Variants in MRPL14 observed in about 807,000 individuals in gnomAD.
MRPL14 encodes large ribosomal subunit protein uL14m.
In MRPL14, 8 loss-of-function variants were observed where a neutral mutation model predicts 10.9. The ratio of observed to expected loss-of-function variants is 0.74; its 90% CI spans 0.43 to 1.33. The LOEUF (loss-of-function observed/expected upper bound fraction) is 1.33. Among genes scored for constraint, MRPL14 ranks in the 40% most tolerant of loss-of-function variants. The pLI is 0.01. For missense variants in MRPL14, 179 were observed against 194.5 expected (o/e 0.92, Z 0.47); for synonymous variants, 82 against 74.1 (o/e 1.11, Z -0.54).
At chr6:44,114,270 C>T in intron 2 of MRPL14, 61 bp from the exon 3 acceptor site, 2 of 1,539,920 alleles carry the variant, frequency 1.3e-6, no homozygotes, top group Non-Finnish European at 1.7e-6. Context: ...GTGCACAGGC[C>T]TCTGAGAGGT....
Position 44,116,593 on chromosome 6 carries a change from G to T in MRPL14, c.19C>A (p.Leu7Ile). 6.2e-7 allele frequency: 1 copy of T among 1,614,180 alleles called. No homozygotes were observed. The highest frequency in any genetic ancestry group is 1.1e-5 in the South Asian group (1 of 91,088). ...CTTACACAGGTGAAGGGGCCCCAGA[G>T]CCCAGTAAAGAAAGCCATGGGATCC... is the stretch of plus-strand genomic sequence containing the variant. MAFFTG[L>I]WGPFTCVSRV... is the part of the protein sequence containing the mutation. The change falls in exon 2 of 3, where the codon CTC (leucine) becomes ATC (isoleucine). Residue 7 changes from leucine (L) to isoleucine (I), a missense_variant. By Grantham distance (5) the Leu-to-Ile change is conservative (BLOSUM62 2). Transcript: ENST00000372014.
chr6:44,125,670 A>G (rs1776929135), intron 1 of MRPL14, among the ~76,000 whole-genome samples: 1 of 151,136 alleles, frequency 6.6e-6, no homozygotes. Flanking sequence ...AAAAAAAAAA[A>G]AAAAAAAAAA....
Position 44,116,429 on chromosome 6 carries a change from C to T in MRPL14, c.71+112G>A, listed in dbSNP as rs1046102962. ...GCCTGATCACTTTAGCTTTCCCCAA[C>T]CCCATGCCCACCTCCCTGAGTTTTT... On this transcript the variant is annotated intron_variant, in intron 2 of 2. Coordinates refer to ENST00000372014, the MANE Select transcript of MRPL14 (RefSeq NM_032111.4). The T allele has an allele frequency of 7.3e-6, 8 of 1,090,000 alleles. No homozygotes were observed. In the Admixed American group the frequency reaches 1.1e-4, roughly 15 times the overall value. 67.5% of individuals were successfully genotyped at this position (1,090,000 alleles called of 1,614,324 possible). A position where few individuals can be genotyped will look rare whatever the true frequency, so the allele number is the denominator to read the frequency against.
Position 44,127,446 on chromosome 6 carries a change from G to A in MRPL14, c.-121C>T, listed in dbSNP as rs1326123901. 6.6e-6 allele frequency: 1 copy of A among 151,678 alleles called. No individual in the cohort carries two copies. Among genetic ancestry groups the A allele is most frequent in the Non-Finnish European group, 1.5e-5 (1 of 67,928 alleles). 9.4% of individuals were successfully genotyped at this position (151,678 alleles called of 1,614,324 possible). ...AGCGCCTGCGCGCCAGGCCCAGCCC[G>A]GCGGACGCGATCTGAGAGTGCGCGC... On this transcript the variant is annotated 5_prime_UTR_variant, in exon 1 of 3. Transcript: ENST00000372014.
At chr6:44,122,180 T>A (rs1216267089) in intron 1 of MRPL14, among the ~76,000 whole-genome samples, 1 of 151,696 alleles carries the variant, frequency 6.6e-6, no homozygotes, top group Non-Finnish European at 1.5e-5. Flanking sequence ...CCTCCCGGGT[T>A]CACACCATTC....
rs1229232869 is a variant in MRPL14, at chr6:44,116,411, C to T, written c.71+130G>A. On this transcript the variant is annotated intron_variant, in intron 2 of 2. Coordinates refer to ENST00000372014, the MANE Select transcript of MRPL14 (RefSeq NM_032111.4). ...ACCAACCAGGCCAGCTCAGCCTGATCACTTTAGCTTTCCCCAACCCCATGC... is the reference window on the plus strand; with the variant it reads ...ACCAACCAGGCCAGCTCAGCCTGATTACTTTAGCTTTCCCCAACCCCATGC... The T allele has an allele frequency of 2.2e-5, 19 of 869,382 alleles. No homozygotes were observed. The East Asian group carries it at 4.4e-4, about 20-fold the overall frequency. The allele number at this position is 869,382 out of a possible 1,614,324, so 53.9% of individuals were successfully genotyped here. A position where few individuals can be genotyped will look rare whatever the true frequency, so the allele number is the denominator to read the frequency against.
At chr6:44,116,656 A>C in intron 1 of MRPL14, 27 bp from the exon 2 acceptor site, 1 of 1,575,390 alleles carries the variant, frequency 6.3e-7, no homozygotes, top group Non-Finnish European at 8.7e-7. Context: ...AGGGGGAAAA[A>C]TTGGTTTCTA....
intron 1 of MRPL14, among the ~76,000 whole-genome samples, chr6:44,124,296 A>C (rs1390222785): frequency 2.6e-5 from 4 of 152,144 alleles, no homozygotes; most frequent in Non-Finnish European, 4.4e-5. Context: ...GTGGCCCTGG[A>C]ATCACCTGTC....
intron 1 of MRPL14, among the ~76,000 whole-genome samples, chr6:44,126,535 AATT>A (rs745723762): frequency 4.9e-4 from 75 of 152,330 alleles, no homozygotes; most frequent in Non-Finnish European, 9.1e-4. Flanking sequence ...CCTGAGAGTT[AATT>A]ATCTCCCAAA....
chr6:44,124,435 C>A (rs1204100302), intron 1 of MRPL14, among the ~76,000 whole-genome samples: 1 of 152,194 alleles, frequency 6.6e-6, no homozygotes, highest in Non-Finnish European at 1.5e-5. Flanking sequence ...TCTGAATTAT[C>A]CAGTACAGAC....
intron 1 of MRPL14, among the ~76,000 whole-genome samples, chr6:44,120,062 C>G (rs1010831002): frequency 1.1e-4 from 17 of 152,190 alleles, no homozygotes; most frequent in African/African-American, 3.6e-4. Context: ...TGCACAAACA[C>G]AAACTCAGGC....
intron 1 of MRPL14, among the ~76,000 whole-genome samples, chr6:44,119,409 T>C (rs1424621579): frequency 1.3e-5 from 2 of 151,746 alleles, no homozygotes; most frequent in African/African-American, 2.4e-5. Flanking sequence ...CCGCCTGTAG[T>C]CCCAGGTACT....
chr6:44,124,877 C>G (rs1185294308), intron 1 of MRPL14, among the ~76,000 whole-genome samples: 2 of 152,082 alleles, frequency 1.3e-5, no homozygotes, highest in Admixed American at 6.5e-5. Flanking sequence ...TTTTCGAGAC[C>G]CCCCCTACAG....
intron 1 of MRPL14, among the ~76,000 whole-genome samples, chr6:44,117,430 A>C (rs1011674201): frequency 6.6e-6 from 1 of 152,188 alleles, no homozygotes; most frequent in Non-Finnish European, 1.5e-5. Flanking sequence ...ACTTCAGAGC[A>C]TGCTTCAGAA....
In MRPL14 at chr6:44,116,574, C is replaced by A. The variant is rs1446147488; in HGVS notation, c.38G>T (p.Cys13Phe). The A allele has an allele frequency of 1.2e-6, 2 of 1,614,058 alleles. No homozygotes were observed. Among genetic ancestry groups the A allele is most frequent in the African/African-American group, 1.3e-5 (1 of 74,932 alleles). ...GTGATGGCTCAGCACTCTGCTTACA[C>A]AGGTGAAGGGGCCCCAGAGCCCAGT... ...FFTGLWGPFT[C>F]VSRVLSHHCF... The change falls in exon 2 of 3, where the codon TGT (cysteine) becomes TTT (phenylalanine). Residue 13 changes from cysteine (C) to phenylalanine (F), a missense_variant. Transcript: ENST00000372014.
At chr6:44,118,707 G>A (rs1776109948) in intron 1 of MRPL14, among the ~76,000 whole-genome samples, 1 of 152,214 alleles carries the variant, frequency 6.6e-6, no homozygotes, top group South Asian at 2.1e-4. Flanking sequence ...GCTCACGCCT[G>A]TAATCCCAGC....
At position 44,113,613 on chromosome 6, in the gene MRPL14, G is replaced by A. The variant is rs915194931; in HGVS notation, c.*230C>T. The A allele has an allele frequency of 3.9e-5, 17 of 433,772 alleles. No individual in the cohort carries two copies. The highest frequency in any genetic ancestry group is 3.0e-4 in the African/African-American group (15 of 50,506). The allele number at this position is 433,772 out of a possible 1,614,324, so 26.9% of individuals were successfully genotyped here. On this transcript the variant is annotated 3_prime_UTR_variant, in exon 3 of 3. Coordinates refer to ENST00000372014, the MANE Select transcript of MRPL14 (RefSeq NM_032111.4). ...CCATGTAAAGAATGCTACCCCGTGT[G>A]GCCAGACTCGGGTAAGCCACCTTTC...
At chr6:44,121,889 A>C (rs1315967787) in intron 1 of MRPL14, among the ~76,000 whole-genome samples, 1 of 149,964 alleles carries the variant, frequency 6.7e-6, no homozygotes, top group African/African-American at 2.5e-5. Flanking sequence ...CAGTGAGCCG[A>C]GATCACACCA....
chr6:44,125,782 T>A (rs1776949932), intron 1 of MRPL14, among the ~76,000 whole-genome samples: 1 of 152,000 alleles, frequency 6.6e-6, no homozygotes, highest in Admixed American at 6.6e-5. Context: ...TCAAAGTGAA[T>A]TTTATTGTTC....
Sources: gnomAD v4.1 joint callset for allele counts (sites outside exome capture counted in the v4.1 genomes callset) on GRCh38, gnomAD v4.1.1 for gene constraint, MANE v1.5 for transcripts, NCBI Gene and HGNC (gene_info 2026-07-23, HGNC 2026-07-21) for gene names.